SLC2A3: variants seen among roughly 807,000 people sequenced by gnomAD.
SLC2A3 encodes the protein solute carrier family 2, facilitated glucose transporter member 3.
Under a neutral mutation model 46.4 loss-of-function variants are expected in SLC2A3, and 21 were observed. That is an observed-to-expected ratio of 0.45 (90% confidence interval 0.32 to 0.65). The LOEUF is 0.65. SLC2A3 is among the 30% of genes least tolerant of loss of function. The probability of loss-of-function intolerance (pLI) is 0.04; values close to 1 mark genes in which losing one functional copy is unlikely to be tolerated. For synonymous variants in SLC2A3, 213 were observed against 239.4 expected (o/e 0.89, Z 1.02); for missense variants, 499 against 623.3 (o/e 0.80, Z 2.12).
chr12:7,925,987 G>A (rs1946091234), intron 6 of SLC2A3, 39 bp from the exon 7 acceptor site: 1 of 1,515,106 alleles, frequency 6.6e-7, no homozygotes, highest in Admixed American at 1.7e-5. Context: ...ATGCAATTCT[G>A]CACACCAGTT....
chr12:7,931,543 C>G, intron 3 of SLC2A3, 58 bp from the exon 4 acceptor site: 1 of 1,605,142 alleles, frequency 6.2e-7, no homozygotes, highest in Non-Finnish European at 8.5e-7. Context: ...CCTAACTTCT[C>G]CTCTGTCCTC....
rs1413992717 is a variant in SLC2A3 at position 7,920,130 on chromosome 12, A to G, written c.*1283T>C. 3 of 152,582 alleles carry G rather than the reference A, an allele frequency of 2.0e-5. No individual in the cohort carries two copies. Among genetic ancestry groups the G allele is most frequent in the African/African-American group, 7.2e-5 (3 of 41,454 alleles). The allele number at this position is 152,582 out of a possible 1,614,324, so 9.5% of individuals were successfully genotyped here. A position where few individuals can be genotyped will look rare whatever the true frequency, so the allele number is the denominator to read the frequency against. The stretch of plus-strand genomic sequence containing the variant: ...TTAGATAATAATCGCTCAGAAAAAA[A>G]TCCTCTCCCAGAGCTGAGGTTACAA... On this transcript the variant is annotated 3_prime_UTR_variant, in exon 10 of 10. Transcript: ENST00000075120.
intron 3 of SLC2A3, 106 bp downstream of exon 3, chr12:7,932,881 A>T (rs772451960): frequency 6.7e-7 from 1 of 1,485,296 alleles, no homozygotes; most frequent in East Asian, 2.3e-5. Flanking sequence ...TTAGAATTCA[A>T]GGTGTTCTTA....
intron 6 of SLC2A3, 62 bp from the exon 7 acceptor site, chr12:7,926,010 C>T (rs1946091503): frequency 1.4e-6 from 2 of 1,399,164 alleles, no homozygotes; most frequent in South Asian, 1.2e-5. Context: ...ACAGAACCCT[C>T]AAAAATAAAC....
intron 6 of SLC2A3, among the ~76,000 whole-genome samples, chr12:7,929,330 G>T (rs961073406): frequency 2.6e-5 from 4 of 152,020 alleles, no homozygotes; most frequent in African/African-American, 9.7e-5. Flanking sequence ...AGCTTCCGTT[G>T]TGCCGCCCTC....
chr12:7,935,489 A>G (rs776315839), intron 1 of SLC2A3, among the ~76,000 whole-genome samples: 2 of 152,314 alleles, frequency 1.3e-5, no homozygotes, highest in African/African-American at 4.8e-5. Flanking sequence ...CAAATAATGC[A>G]TATACAACAC....
At chr12:7,923,340 A>G in intron 8 of SLC2A3, 1 of 241,030 alleles carries the variant, frequency 4.1e-6, no homozygotes, top group Non-Finnish European at 8.0e-6. Context: ...GCCTAATTAA[A>G]AAAAAATTTT....
intron 6 of SLC2A3, chr12:7,929,441 T>A: frequency 1.8e-6 from 1 of 556,836 alleles, no homozygotes; most frequent in Admixed American, 3.5e-5. Context: ...GTTGCCAGTG[T>A]CCTTCCAGGG....
intron 6 of SLC2A3, among the ~76,000 whole-genome samples, chr12:7,926,437 T>C (rs1326451774): frequency 6.6e-6 from 1 of 152,190 alleles, no homozygotes; most frequent in Non-Finnish European, 1.5e-5. Context: ...CTCATTTACA[T>C]TGTTTCTTCT....
chr12:7,930,428 AAAAC>A, intron 5 of SLC2A3, 48 bp downstream of exon 5: 3 of 1,561,680 alleles, frequency 1.9e-6, no homozygotes, highest in Non-Finnish European at 2.6e-6. Context: ...AATCATCCCT[AAAAC>A]AAACCACAAC....
At chr12:7,932,890 T>A in intron 3 of SLC2A3, 97 bp downstream of exon 3, 7 of 1,519,030 alleles carry the variant, frequency 4.6e-6, no homozygotes, top group Non-Finnish European at 6.2e-6. Flanking sequence ...AAGGTGTTCT[T>A]ATTCAAAGGC....
chr12:7,934,007 G>A (rs1297857176), intron 1 of SLC2A3, 105 bp from the exon 2 acceptor site: 6 of 1,052,182 alleles, frequency 5.7e-6, no homozygotes, highest in East Asian at 2.5e-5. Context: ...AGTTATGAGT[G>A]GTATGAAAAG....
At chr12:7,921,673 T>C in intron 9 of SLC2A3, 42 bp from the exon 10 acceptor site, 1 of 1,581,966 alleles carries the variant, frequency 6.3e-7, no homozygotes, top group Non-Finnish European at 8.6e-7. Flanking sequence ...TATAAAAATC[T>C]GGTCATTGAC....
intron 6 of SLC2A3, 44 bp downstream of exon 6, chr12:7,929,640 T>C: frequency 6.2e-7 from 1 of 1,606,434 alleles, no homozygotes; most frequent in Non-Finnish European, 8.5e-7. Context: ...GCATTTTAAG[T>C]GAAATACTTT....
At position 7,920,606 on chromosome 12, in the gene SLC2A3, C is replaced by T. The variant is rs1456038182; in HGVS notation, c.*807G>A. 1 of 152,072 alleles carries T rather than the reference C, an allele frequency of 6.6e-6. No individual in the cohort carries two copies. The highest frequency in any genetic ancestry group is 2.1e-4 in the South Asian group (1 of 4,828). The allele number at this position is 152,072 out of a possible 1,614,324, so 9.4% of individuals were successfully genotyped here. On this transcript the variant is annotated 3_prime_UTR_variant, in exon 10 of 10. Transcript: ENST00000075120. The stretch of plus-strand genomic sequence containing the variant: ...ACTTTTACGAGAAGTTAAAGAGTTT[C>T]CATCTGAAGGACAGAAATTGTTAAG...
intron 3 of SLC2A3, among the ~76,000 whole-genome samples, chr12:7,931,760 A>G (rs766836422): frequency 6.6e-6 from 1 of 152,162 alleles, no homozygotes; most frequent in Non-Finnish European, 1.5e-5. Flanking sequence ...CGGGTGACAG[A>G]GCAAGACCCT....
chr12:7,930,627 A>C lies in SLC2A3; in HGVS notation c.526T>G (p.Phe176Val). The C allele has an allele frequency of 1.2e-6, 2 of 1,613,280 alleles. No homozygotes were observed. Among genetic ancestry groups the C allele is most frequent in the Non-Finnish European group, 1.7e-6 (2 of 1,179,628 alleles). The change falls in exon 5 of 10, where the codon TTC becomes GTC. Residue 176 changes from phenylalanine to valine, a missense_variant. Transcript: ENST00000075120. ...ILVAQIFGLE[F>V]ILGSEELWPL... The stretch of plus-strand genomic sequence containing the variant: ...CATAGCTCTTCAGACCCAAGGATGA[A>C]TTCCAGACCAAAGATCTAGAAACCA...
At chr12:7,924,032 T>G (rs1424215820) in intron 8 of SLC2A3, among the ~76,000 whole-genome samples, 1 of 152,104 alleles carries the variant, frequency 6.6e-6, no homozygotes, top group Admixed American at 6.6e-5. Flanking sequence ...CCTCCCAGTG[T>G]GCTGGGATTA....
rs889931091 is a variant in SLC2A3, at chr12:7,925,525, A to G, written c.966+319T>C. On this transcript the variant is annotated intron_variant, in intron 7 of 9. Transcript: ENST00000075120. ...TTCTCACATATTCTGGGGATCACAG[A>G]TAACTTCTGTTGATTATTGTTGTTT... The G allele has an allele frequency of 2.7e-5, 6 of 220,684 alleles. No homozygotes were observed. The South Asian group carries it at 4.6e-4, about 17-fold the overall frequency. 13.7% of individuals were successfully genotyped at this position (220,684 alleles called of 1,614,324 possible).
Sources: allele counts gnomAD v4.1 joint callset (sites outside exome capture counted in the v4.1 genomes callset), GRCh38; gene constraint gnomAD v4.1.1; transcripts MANE v1.5; gene names NCBI Gene and HGNC (gene_info 2026-07-23, HGNC 2026-07-21).